Variants in TGFBR3 observed in about 807,000 individuals in gnomAD.
TGFBR3 encodes transforming growth factor beta receptor 3.
A neutral mutation model predicts 87.9 loss-of-function variants in TGFBR3; 46 were observed. The ratio of observed to expected loss-of-function variants is 0.52; its 90% CI spans 0.41 to 0.67. The LOEUF (loss-of-function observed/expected upper bound fraction) is 0.67. TGFBR3 is among the 30% of genes least tolerant of loss of function. The pLI, the probability that TGFBR3 is intolerant of heterozygous loss-of-function variation, is 0.00. For synonymous variants in TGFBR3, 381 were observed against 391.6 expected, an observed-to-expected ratio of 0.97 and a Z score of 0.32; for missense variants, 866 against 1,041.9, an observed-to-expected ratio of 0.83 and a Z score of 2.32.
At chr1:91,805,734 T>A (rs1343768047) in intron 2 of TGFBR3, among the ~76,000 whole-genome samples, 1 of 152,222 alleles carries the variant, frequency 6.6e-6, no homozygotes, top group African/African-American at 2.4e-5. Context: ...ACTCTTCATA[T>A]GTATGGTTAC....
intron 2 of TGFBR3, among the ~76,000 whole-genome samples, chr1:91,814,435 A>G (rs1312332544): frequency 6.6e-6 from 1 of 152,118 alleles, no homozygotes; most frequent in African/African-American, 2.4e-5. Flanking sequence ...CTTTTTTTTA[A>G]TCAAACAAGA....
intron 2 of TGFBR3, among the ~76,000 whole-genome samples, chr1:91,892,187 AG>A: frequency 6.6e-6 from 1 of 152,292 alleles, no homozygotes; most frequent in East Asian, 1.9e-4. Context: ...ATTCTGATGA[AG>A]CAGGAAACCT....
intron 1 of TGFBR3, among the ~76,000 whole-genome samples, chr1:91,876,829 T>C (rs1449202945): frequency 2.6e-5 from 4 of 152,118 alleles, no homozygotes; most frequent in Admixed American, 2.0e-4. Context: ...GAGAAAAATC[T>C]GAAAGCCAAC....
At chr1:91,845,067 A>C (rs1002062670) in intron 2 of TGFBR3, among the ~76,000 whole-genome samples, 8 of 152,236 alleles carry the variant, frequency 5.3e-5, no homozygotes, top group Non-Finnish European at 1.0e-4. Flanking sequence ...CAACCAGTGC[A>C]TACTCTCCTG....
chr1:91,776,286 G>T (rs985528066), intron 3 of TGFBR3, among the ~76,000 whole-genome samples: 1 of 152,216 alleles, frequency 6.6e-6, no homozygotes, highest in African/African-American at 2.4e-5. Flanking sequence ...AGGGTAGGGG[G>T]TCAGGACTGC....
chr1:91,748,557 C>T lies in TGFBR3; in HGVS notation c.384+10056G>A, dbSNP rs115881182. On this transcript the variant is annotated intron_variant, in intron 4 of 16. Coordinates refer to ENST00000212355, the MANE Select transcript of TGFBR3 (RefSeq NM_003243.5). ...AAACAAGAAGTTTGCTCACCTGATG[C>T]GATGCCCTGATTTGGCTCTATAGGT... Among the ~76,000 whole-genome samples the T allele has an allele frequency of 8.3e-3, 1,267 of 152,256 alleles. 19 individuals carry two copies. Among genetic ancestry groups the T allele is most frequent in the African/African-American group, 0.029 (1,193 of 41,534 alleles).
intron 10 of TGFBR3, among the ~76,000 whole-genome samples, chr1:91,717,874 CT>C (rs56325630): frequency 0.26 from 38,290 of 146,206 alleles, 5,223 homozygotes; most frequent in African/African-American, 0.34. Flanking sequence ...AAGCAACTGA[CT>C]TTTTTTTTTT....
intron 2 of TGFBR3, among the ~76,000 whole-genome samples, chr1:91,852,670 G>A (rs561644580): frequency 6.6e-6 from 1 of 152,144 alleles, no homozygotes; most frequent in South Asian, 2.1e-4. Context: ...AGGTTCAAGT[G>A]GTTCTCCTGC....
intron 3 of TGFBR3, among the ~76,000 whole-genome samples, chr1:91,793,941 T>A (rs1675283377): frequency 1.3e-5 from 2 of 152,128 alleles, no homozygotes; most frequent in South Asian, 4.1e-4. Flanking sequence ...AAAAACCAAG[T>A]TATCCATTGA....
At chr1:91,723,085 C>T (rs1037377592) in intron 7 of TGFBR3, among the ~76,000 whole-genome samples, 13 of 152,150 alleles carry the variant, frequency 8.5e-5, no homozygotes, top group African/African-American at 3.1e-4. Flanking sequence ...ATTCTACTAA[C>T]TGAATATACT....
chr1:91,698,211 C>T, intron 14 of TGFBR3, 81 bp from the exon 15 acceptor site: 1 of 1,190,280 alleles, frequency 8.4e-7, no homozygotes, highest in Non-Finnish European at 1.3e-6. Flanking sequence ...TCAGCAGAAA[C>T]TGACACTTTT....
At chr1:91,817,880 GA>G (rs5776119) in intron 2 of TGFBR3, among the ~76,000 whole-genome samples, 18,584 of 139,002 alleles carry the variant, frequency 0.13, 1,424 homozygotes, top group East Asian at 0.39. Flanking sequence ...ACTGATAACA[GA>G]AAAAAAAAAA....
intron 3 of TGFBR3, among the ~76,000 whole-genome samples, chr1:91,765,907 T>TTATA (rs368889913): frequency 6.6e-6 from 1 of 151,842 alleles, no homozygotes; most frequent in African/African-American, 2.4e-5. Flanking sequence ...AGTTTGCTTT[T>TTATA]TATATATATA....
Position 91,712,259 on chromosome 1 carries a change from G to A in TGFBR3, c.2150C>T (p.Pro717Leu), listed in dbSNP as rs753074067. The A allele has an allele frequency of 6.2e-7, 1 of 1,614,084 alleles. No individual in the cohort carries two copies. Among genetic ancestry groups the A allele is most frequent in the East Asian group, 2.2e-5 (1 of 44,840 alleles). Reference sequence around the variant, plus strand: ...CCCACAAACCTTAGGCAACTTCTGGGGGTGCTTCTCCATCTTCGTACACAG... The same window carrying A: ...CCCACAAACCTTAGGCAACTTCTGGAGGTGCTTCTCCATCTTCGTACACAG... ...LTLCTKMEKH[P>L]QKLPKCVPPD... is the part of the protein sequence containing the mutation. The change falls in exon 13 of 17, where the codon CCC becomes CTC. Residue 717 changes from proline (P) to leucine (L), a missense_variant. By Grantham distance (98) the Pro-to-Leu change is moderately conservative. Coordinates refer to ENST00000212355, the MANE Select transcript of TGFBR3 (RefSeq NM_003243.5).
At chr1:91,841,322 T>C (rs894989644) in intron 2 of TGFBR3, among the ~76,000 whole-genome samples, 3 of 152,112 alleles carry the variant, frequency 2.0e-5, no homozygotes, top group Non-Finnish European at 2.9e-5. Flanking sequence ...TTTTACCATA[T>C]AGAATAAGGA....
Position 91,727,825 on chromosome 1 carries a change from G to C in TGFBR3, c.738-19C>G, listed in dbSNP as rs773496465. ...GAAAGCACTGTGAATGGAAGACAAA[G>C]GCAAAGTTAAGACCTACATGCCAGA... On this transcript the variant is annotated intron_variant, in intron 6 of 16. Coordinates refer to ENST00000212355, the MANE Select transcript of TGFBR3 (RefSeq NM_003243.5). The C allele has an allele frequency of 1.9e-6, 3 of 1,613,246 alleles. No homozygotes were observed. The highest frequency in any genetic ancestry group is 1.7e-4 in the Middle Eastern group (1 of 6,060).
At chr1:91,766,198 CTTTTT>C (rs749978314) in intron 3 of TGFBR3, among the ~76,000 whole-genome samples, 5 of 114,458 alleles carry the variant, frequency 4.4e-5, no homozygotes, top group African/African-American at 1.4e-4. Flanking sequence ...AGTTTGTTTT[CTTTTT>C]TTTTTTTTTT....
chr1:91,745,531 A>G (rs1395953580), intron 4 of TGFBR3, among the ~76,000 whole-genome samples: 1 of 152,212 alleles, frequency 6.6e-6, no homozygotes, highest in Non-Finnish European at 1.5e-5. Flanking sequence ...AGGCATTACA[A>G]AGATTATGCT....
intron 2 of TGFBR3, among the ~76,000 whole-genome samples, chr1:91,834,997 G>A (rs946774972): frequency 2.6e-5 from 4 of 151,960 alleles, no homozygotes; most frequent in Admixed American, 2.6e-4. Context: ...AATTTTTAAG[G>A]CACAAAGAAG....
Sources: gnomAD v4.1 joint callset for allele counts (sites outside exome capture counted in the v4.1 genomes callset) on GRCh38, gnomAD v4.1.1 for gene constraint, MANE v1.5 for transcripts, NCBI Gene and HGNC (gene_info 2026-07-23, HGNC 2026-07-21) for gene names.